COL19A1: variants seen among roughly 807,000 people sequenced by gnomAD.
The protein encoded by COL19A1 is collagen type XIX alpha 1 chain, also known as collagen alpha-1(XIX) chain.
In COL19A1, 159 loss-of-function variants were observed where a neutral mutation model predicts 190.2. That is an observed-to-expected ratio of 0.84 (90% CI 0.73 to 0.95). The LOEUF is 0.95. Among genes scored for constraint, COL19A1 ranks in the 40% least tolerant of loss-of-function variants. The pLI is 0.00. For missense variants in COL19A1, 1,418 were observed against 1,431.9 expected (o/e 0.99, Z 0.16); for synonymous variants, 509 against 458.9 (o/e 1.11, Z -1.39).
chr6:70,144,422 G>T (rs1786476903), intron 24 of COL19A1, among the ~76,000 whole-genome samples, 159 bp downstream of exon 24: 2 of 152,126 alleles, frequency 1.3e-5, no homozygotes, highest in African/African-American at 4.8e-5. Context: ...TGTGCATTTG[G>T]CAGCCCTGGT....
At position 70,192,792 on chromosome 6, in the gene COL19A1, C is replaced by T. The variant is rs118110065; in HGVS notation, c.3094+2411C>T. On this transcript the variant is annotated intron_variant, in intron 48 of 50. Coordinates refer to ENST00000620364, the MANE Select transcript of COL19A1 (RefSeq NM_001858.6). ...GCCCTATGTGACTGCATAGGTAGCC[C>T]GGACATGCTAGTCCTGGGGACAGGA... 7.9e-3 allele frequency among the ~76,000 whole-genome samples: 1,202 copies of T among 152,304 alleles called. 3 individuals are homozygous for T. The highest frequency in any genetic ancestry group is 0.014 in the Middle Eastern group (4 of 294).
In COL19A1 at chr6:70,100,769, TGCCTA is replaced by T. The variant is rs1182162667; in HGVS notation, c.1225-1394_1225-1390del. ...CTGGGATTACAGTTGTGAGCCACCA[TGCCTA>T]GCCTATGTTTTTAATTTTTAAAAAA... On this transcript the variant is annotated intron_variant, in intron 15 of 50. Coordinates refer to ENST00000620364, the MANE Select transcript of COL19A1 (RefSeq NM_001858.6). Among the ~76,000 whole-genome samples the T allele has an allele frequency of 1.1e-4, 16 of 152,100 alleles. 1 individual carries two copies. The highest frequency in any genetic ancestry group is 1.0e-3 in the Admixed American group (16 of 15,262).
chr6:70,149,713 G>A lies in COL19A1; in HGVS notation c.1903G>A (p.Gly635Arg), dbSNP rs1331218822. 1.9e-6 allele frequency: 3 copies of A among 1,613,502 alleles called. No homozygotes were observed. Among genetic ancestry groups the A allele is most frequent in the East Asian group, 4.5e-5 (2 of 44,824 alleles). Residue 635 changes from glycine to arginine, a missense_variant, in exon 28 of 51, where the codon GGA becomes AGA. Transcript: ENST00000620364. ...TCTCATTTGTACTCAGGGCGCCCAAGGACCAGCTGGAGAGCCAGGTATTCA... is the reference window on the plus strand; with the variant it reads ...TCTCATTTGTACTCAGGGCGCCCAAAGACCAGCTGGAGAGCCAGGTATTCA... Reference protein sequence around the residue: ...IGIPGRTGAQGPAGEPGIQGP... With the variant: ...IGIPGRTGAQRPAGEPGIQGP...
At chr6:69,886,328 A>G (rs1046552040) in intron 2 of COL19A1, among the ~76,000 whole-genome samples, 2 of 152,218 alleles carry the variant, frequency 1.3e-5, no homozygotes, top group Non-Finnish European at 2.9e-5. Flanking sequence ...ACAAGAGATA[A>G]CACAAACGTG....
At chr6:70,039,581 A>G (rs1338184684) in intron 14 of COL19A1, among the ~76,000 whole-genome samples, 1 of 152,220 alleles carries the variant, frequency 6.6e-6, no homozygotes, top group Non-Finnish European at 1.5e-5. Context: ...ACTGCCCAGA[A>G]TAACTAAGGG....
chr6:69,898,931 T>C lies in COL19A1; in HGVS notation c.92-17T>C. Reference sequence around the variant, plus strand: ...TACATAATGCAAATCCTCTATGCTTTTTTTCTTTTTAAATAGAAGAGTCAT... The same window carrying C: ...TACATAATGCAAATCCTCTATGCTTCTTTTCTTTTTAAATAGAAGAGTCAT... On this transcript the variant is annotated splice_polypyrimidine_tract_variant and intron_variant, in intron 2 of 50. Transcript: ENST00000620364. The C allele has an allele frequency of 6.5e-7, 1 of 1,539,338 alleles. No individual in the cohort carries two copies. The highest frequency in any genetic ancestry group is 1.1e-5 in the South Asian group (1 of 87,364).
intron 49 of COL19A1, 120 bp downstream of exon 49, chr6:70,199,856 A>T: frequency 6.0e-6 from 5 of 833,922 alleles, no homozygotes; most frequent in Non-Finnish European, 9.0e-6. Flanking sequence ...TTACATATAT[A>T]AATATATGCA....
rs1361092169 is a variant in COL19A1, at chr6:70,208,123, G to GCT, written c.*849_*850insCT. On this transcript the variant is annotated 3_prime_UTR_variant, in exon 51 of 51. Transcript: ENST00000620364. ...TGTTTTCCCTACAAGGTGCTTGGTG[G>GCT]TGAAGCCACCAAGCTGTCTTTGGTA... is the stretch of plus-strand genomic sequence containing the variant. 6.6e-6 allele frequency: 1 copy of GCT among 152,170 alleles called. No homozygotes were observed. Among genetic ancestry groups the GCT allele is most frequent in the African/African-American group, 2.4e-5 (1 of 41,450 alleles). 9.4% of individuals were successfully genotyped at this position (152,170 alleles called of 1,614,324 possible).
At position 70,186,709 on chromosome 6, in the gene COL19A1, ATC is replaced by A. The variant is rs141792412; in HGVS notation, c.2857-1345_2857-1344del. ...ATTTATGACTGAAGCAACTGCCATGATCTCTCTCTCTCTCTCTCTCTCATTCT... is the reference window on the plus strand; with the variant it reads ...ATTTATGACTGAAGCAACTGCCATGATCTCTCTCTCTCTCTCTCTCATTCT... On this transcript the variant is annotated intron_variant, in intron 46 of 50. Coordinates refer to ENST00000620364, the MANE Select transcript of COL19A1 (RefSeq NM_001858.6). 4.9e-4 allele frequency among the ~76,000 whole-genome samples: 72 copies of A among 147,654 alleles called. 1 individual carries two copies. Among genetic ancestry groups the A allele is most frequent in the Admixed American group, 5.4e-4 (8 of 14,782 alleles).
At chr6:70,185,922 C>T (rs2150292066) in intron 46 of COL19A1, among the ~76,000 whole-genome samples, 1 of 152,236 alleles carries the variant, frequency 6.6e-6, no homozygotes, top group East Asian at 1.9e-4. Flanking sequence ...TACCTTACCC[C>T]ACTACACAGA....
chr6:69,872,092 C>T (rs1468809606), intron 1 of COL19A1, among the ~76,000 whole-genome samples: 1 of 152,186 alleles, frequency 6.6e-6, no homozygotes, highest in African/African-American at 2.4e-5. Flanking sequence ...GCTGGGATTA[C>T]AGGCGTGAGC....
intron 33 of COL19A1, 43 bp downstream of exon 33, chr6:70,156,412 T>G (rs763314410): frequency 2.5e-6 from 4 of 1,586,608 alleles, no homozygotes; most frequent in Non-Finnish European, 3.4e-6. Flanking sequence ...GGAACCTCAA[T>G]TTAGTATGAA....
chr6:70,127,121 C>A (rs1248007930), intron 17 of COL19A1, among the ~76,000 whole-genome samples: 1 of 151,948 alleles, frequency 6.6e-6, no homozygotes, highest in Non-Finnish European at 1.5e-5. Context: ...AAGGTGAGGG[C>A]AAAGAGTGGT....
At chr6:70,153,898 C>G (rs923172739) in intron 31 of COL19A1, among the ~76,000 whole-genome samples, 2 of 151,974 alleles carry the variant, frequency 1.3e-5, no homozygotes, top group Admixed American at 6.6e-5. Context: ...GCATATAACC[C>G]TAGTTCCCTT....
intron 12 of COL19A1, among the ~76,000 whole-genome samples, chr6:70,026,017 A>C (rs1044528906): frequency 6.6e-6 from 1 of 152,026 alleles, no homozygotes; most frequent in African/African-American, 2.4e-5. Context: ...AAAAATAACC[A>C]AACTACAAGT....
chr6:69,897,809 A>G (rs9354898), intron 2 of COL19A1, among the ~76,000 whole-genome samples: 1 of 152,310 alleles, frequency 6.6e-6, no homozygotes, highest in East Asian at 1.9e-4. Context: ...TAGCTAAGTA[A>G]TATCTAAAAG....
chr6:70,134,897 A>G (rs542506283), intron 18 of COL19A1, among the ~76,000 whole-genome samples: 1 of 152,316 alleles, frequency 6.6e-6, no homozygotes, highest in South Asian at 2.1e-4. Flanking sequence ...TGGTGGTAGC[A>G]ACAGATCCCA....
chr6:69,907,320 G>A (rs1199242254), intron 4 of COL19A1, among the ~76,000 whole-genome samples: 6 of 151,828 alleles, frequency 4.0e-5, no homozygotes, highest in Admixed American at 3.9e-4. Flanking sequence ...AGTAGAGACA[G>A]GGTTTCACCA....
intron 9 of COL19A1, among the ~76,000 whole-genome samples, chr6:69,959,049 C>A (rs1223119080): frequency 2.0e-5 from 3 of 152,050 alleles, no homozygotes; most frequent in Non-Finnish European, 4.4e-5. Flanking sequence ...AACTCAGAAG[C>A]CAAAGTAAAT....
Sources: gnomAD v4.1 joint callset for allele counts (sites outside exome capture counted in the v4.1 genomes callset) on GRCh38, gnomAD v4.1.1 for gene constraint, MANE v1.5 for transcripts, NCBI Gene and HGNC (gene_info 2026-07-23, HGNC 2026-07-21) for gene names.